Variants in DLG2 observed in about 807,000 individuals in gnomAD.
DLG2 encodes the protein disks large homolog 2.
Under a neutral mutation model 132.5 loss-of-function variants are expected in DLG2, and 45 were observed. That is an observed-to-expected ratio of 0.34 (90% CI 0.27 to 0.44). The LOEUF (loss-of-function observed/expected upper bound fraction) is 0.44. Among genes scored for constraint, DLG2 ranks in the 20% least tolerant of loss-of-function variants. The pLI is 1.00. For missense variants in DLG2, 1,045 were observed against 1,196.9 expected (o/e 0.87, Z 1.87); for synonymous variants, 424 against 419.6 (o/e 1.01, Z -0.13).
At chr11:85,555,496 T>C (rs2153222143) in intron 3 of DLG2, among the ~76,000 whole-genome samples, 1 of 151,962 alleles carries the variant, frequency 6.6e-6, no homozygotes, top group East Asian at 1.9e-4. Flanking sequence ...TTAAAAGAAA[T>C]CAGAAGGCCT....
intron 6 of DLG2, among the ~76,000 whole-genome samples, chr11:84,726,180 T>C (rs1011906477): frequency 2.6e-5 from 4 of 152,146 alleles, no homozygotes; most frequent in Admixed American, 2.0e-4. Context: ...TTTTGTTACA[T>C]AGGTATACAC....
chr11:84,655,666 C>A (rs2099687257), intron 6 of DLG2, among the ~76,000 whole-genome samples: 2 of 151,470 alleles, frequency 1.3e-5, no homozygotes, highest in African/African-American at 4.8e-5. Flanking sequence ...ATGAGCAATT[C>A]AAAATCTCTC....
intron 19 of DLG2, among the ~76,000 whole-genome samples, chr11:83,544,483 G>T (rs1244157132): frequency 6.6e-6 from 1 of 152,028 alleles, no homozygotes; most frequent in Non-Finnish European, 1.5e-5. Context: ...GATCTAGTGG[G>T]GCCCACTGAC....
intron 21 of DLG2, among the ~76,000 whole-genome samples, chr11:83,526,924 T>C (rs566444968): frequency 3.9e-5 from 6 of 152,316 alleles, no homozygotes; most frequent in Non-Finnish European, 7.4e-5. Context: ...TAGACACTCA[T>C]TCTGTCCCCC....
At chr11:85,517,440 G>C (rs1019026053) in intron 3 of DLG2, among the ~76,000 whole-genome samples, 2 of 152,012 alleles carry the variant, frequency 1.3e-5, no homozygotes, top group African/African-American at 4.8e-5. Context: ...AGGGCAATCA[G>C]GAAGTAGAAA....
intron 9 of DLG2, among the ~76,000 whole-genome samples, chr11:84,152,795 T>C (rs1412135813): frequency 6.6e-6 from 1 of 152,222 alleles, no homozygotes; most frequent in African/African-American, 2.4e-5. Context: ...GGGTCTTGTT[T>C]TTTTATCTAG....
In DLG2 at chr11:83,495,133, G is replaced by A. The variant is rs555786074; in HGVS notation, c.2194-10905C>T. Among the ~76,000 whole-genome samples the A allele has an allele frequency of 1.1e-4, 17 of 152,176 alleles. No individual in the cohort carries two copies. In the East Asian group the frequency reaches 3.1e-3, roughly 28 times the overall value. On this transcript the variant is annotated intron_variant, in intron 21 of 27. Coordinates refer to ENST00000376104, the MANE Select transcript of DLG2 (RefSeq NM_001142699.3). ...GGAAGATCTCTGATGTGCTCAGAAC[G>A]GATTAGATGTTCAGCTCTGTGTCAT...
intron 19 of DLG2, among the ~76,000 whole-genome samples, chr11:83,617,842 C>T (rs2061065813): frequency 6.6e-6 from 1 of 152,052 alleles, no homozygotes. Context: ...ACTAAAAATA[C>T]AAAAATTAGC....
chr11:83,847,740 G>A (rs941379092), intron 16 of DLG2, among the ~76,000 whole-genome samples: 22 of 152,082 alleles, frequency 1.4e-4, no homozygotes, highest in South Asian at 4.2e-4. Context: ...GAAGTGGGGC[G>A]TTCCCATTTC....
At chr11:85,321,910 G>A (rs184896852) in intron 3 of DLG2, among the ~76,000 whole-genome samples, 11 of 152,160 alleles carry the variant, frequency 7.2e-5, no homozygotes, top group African/African-American at 2.6e-4. Context: ...TGAGTCTGGA[G>A]TAAATGGGAG....
At chr11:83,478,521 ACT>A (rs1228522216) in intron 22 of DLG2, among the ~76,000 whole-genome samples, 1 of 152,040 alleles carries the variant, frequency 6.6e-6, no homozygotes, top group Non-Finnish European at 1.5e-5. Flanking sequence ...TTAGAACATC[ACT>A]CTAAAAATCT....
chr11:85,335,791 A>G (rs1304351617), intron 3 of DLG2, among the ~76,000 whole-genome samples: 1 of 151,710 alleles, frequency 6.6e-6, no homozygotes, highest in Non-Finnish European at 1.5e-5. Context: ...ACCAGGACCT[A>G]TCAGGGGGTG....
intron 6 of DLG2, among the ~76,000 whole-genome samples, chr11:84,876,316 G>A (rs1299181665): frequency 1.3e-5 from 2 of 152,162 alleles, no homozygotes; most frequent in Admixed American, 6.5e-5. Flanking sequence ...TCTGGTCCTA[G>A]ACTTTTTTGA....
rs188651042 is a variant in DLG2 at position 84,048,433 on chromosome 11, T to G, written c.919+10882A>C. 3.8e-4 allele frequency among the ~76,000 whole-genome samples: 58 copies of G among 151,756 alleles called. 1 individual carries two copies. Among genetic ancestry groups the G allele is most frequent in the African/African-American group, 1.3e-3 (56 of 41,504 alleles). On this transcript the variant is annotated intron_variant, in intron 11 of 27. Coordinates refer to ENST00000376104, the MANE Select transcript of DLG2 (RefSeq NM_001142699.3). ...GTTTTGAGAACTCATGCCAAATAGT[T>G]AAATTTGCTATTCGTGCTTATTGAA...
At chr11:84,800,640 A>G (rs1203144642) in intron 6 of DLG2, 1 of 152,180 alleles carries the variant, frequency 6.6e-6, no homozygotes, top group African/African-American at 2.4e-5. Context: ...ATATTTTTCT[A>G]TCACCTTTGA....
At chr11:85,079,693 C>T (rs1015430877) in intron 6 of DLG2, among the ~76,000 whole-genome samples, 2 of 151,980 alleles carry the variant, frequency 1.3e-5, no homozygotes, top group Non-Finnish European at 2.9e-5. Flanking sequence ...GTGTTCAAAG[C>T]CAGATGTGAA....
At chr11:85,057,335 C>T (rs2098845388) in intron 6 of DLG2, among the ~76,000 whole-genome samples, 1 of 151,480 alleles carries the variant, frequency 6.6e-6, no homozygotes, top group South Asian at 2.1e-4. Flanking sequence ...GGACAAGTTA[C>T]TAATATTAGG....
At chr11:84,610,864 C>A (rs140002939) in intron 6 of DLG2, among the ~76,000 whole-genome samples, 1 of 152,118 alleles carries the variant, frequency 6.6e-6, no homozygotes. Flanking sequence ...GGAATTCATA[C>A]ACGCTGTTTC....
chr11:84,753,023 G>T (rs1395514071), intron 6 of DLG2, among the ~76,000 whole-genome samples: 1 of 152,072 alleles, frequency 6.6e-6, no homozygotes, highest in Non-Finnish European at 1.5e-5. Context: ...TCTTTTTCAG[G>T]AAGGGGTATT....
Sources: gnomAD v4.1 joint callset for allele counts (sites outside exome capture counted in the v4.1 genomes callset) on GRCh38, gnomAD v4.1.1 for gene constraint, MANE v1.5 for transcripts, NCBI Gene and HGNC (gene_info 2026-07-23, HGNC 2026-07-21) for gene names.